GEMIN7: variants seen among roughly 807,000 people sequenced by gnomAD.
GEMIN7 encodes the protein gem nuclear organelle associated protein 7.
Under a neutral mutation model 7.8 loss-of-function variants are expected in GEMIN7, and 7 were observed. That is an observed-to-expected ratio of 0.90 (90% CI 0.51 to 1.69). The LOEUF is 1.69. GEMIN7 is among the 40% of genes most tolerant of loss of function. The pLI, the probability that GEMIN7 is intolerant of heterozygous loss-of-function variation, is 0.00. For missense variants in GEMIN7, 159 were observed against 176.2 expected (o/e 0.90, Z 0.55); for synonymous variants, 68 against 72.4 (o/e 0.94, Z 0.31).
At chr19:45,081,595 C>A (rs1967506645) in intron 2 of GEMIN7, among the ~76,000 whole-genome samples, 3 of 150,260 alleles carry the variant, frequency 2.0e-5, no homozygotes, top group East Asian at 3.9e-4. Flanking sequence ...TTATCCTGTC[C>A]ATCACCGAGG....
At chr19:45,081,208 T>G (rs1335750295) in intron 2 of GEMIN7, among the ~76,000 whole-genome samples, 3 of 152,212 alleles carry the variant, frequency 2.0e-5, no homozygotes, top group Non-Finnish European at 4.4e-5. Flanking sequence ...GGCTCATGCC[T>G]GTAATCCCAG....
At chr19:45,088,936 C>CTTTTTTTTTTTT (rs368470130) in intron 2 of GEMIN7, among the ~76,000 whole-genome samples, 1 of 143,202 alleles carries the variant, frequency 7.0e-6, no homozygotes, top group African/African-American at 2.6e-5. Flanking sequence ...CCCATCCATG[C>CTTTTTTTTTTTT]TTTTTTTTTT....
intron 2 of GEMIN7, among the ~76,000 whole-genome samples, chr19:45,086,698 C>A (rs1967699748): frequency 6.6e-6 from 1 of 152,174 alleles, no homozygotes; most frequent in African/African-American, 2.4e-5. Context: ...ATGTGCCAGG[C>A]CCTGTCTGGC....
intron 2 of GEMIN7, among the ~76,000 whole-genome samples, chr19:45,088,100 G>A (rs1343106186): frequency 6.6e-6 from 1 of 151,222 alleles, no homozygotes; most frequent in East Asian, 1.9e-4. Context: ...TGCCCGCCAC[G>A]ATGCTTGGCT....
At chr19:45,075,891 G>A, upstream of GEMIN7, 1 of 1,612,536 alleles carries the variant, frequency 6.2e-7, no homozygotes, top group Non-Finnish European at 8.5e-7. Flanking sequence ...TGGTGAGCGT[G>A]GGGTGGGGCC....
intron 2 of GEMIN7, among the ~76,000 whole-genome samples, 182 bp downstream of exon 2, chr19:45,080,211 C>CA (rs1967452462): frequency 6.6e-6 from 1 of 152,106 alleles, no homozygotes; most frequent in South Asian, 2.1e-4. Flanking sequence ...CAATGGATAA[C>CA]GCCTGCCTCT....
intron 2 of GEMIN7, among the ~76,000 whole-genome samples, chr19:45,084,497 G>A (rs1265378892): frequency 1.3e-5 from 2 of 152,156 alleles, no homozygotes; most frequent in Admixed American, 6.5e-5. Flanking sequence ...CTGGCTCACG[G>A]GTTCAAGCGA....
At chr19:45,086,527 A>G (rs1217938398) in intron 2 of GEMIN7, among the ~76,000 whole-genome samples, 1 of 152,076 alleles carries the variant, frequency 6.6e-6, no homozygotes, top group Non-Finnish European at 1.5e-5. Flanking sequence ...TGTGCCAAAC[A>G]TGGTAGGTTA....
rs746553243 is a variant in GEMIN7, at chr19:45,090,181, C to G, written c.67C>G (p.Arg23Gly). ...GCCCCGGGGCCCTGATGGCTTCAGCCGTGGCTTTGCCCCTGATGGACGCAG... is the reference window on the plus strand; with the variant it reads ...GCCCCGGGGCCCTGATGGCTTCAGCGGTGGCTTTGCCCCTGATGGACGCAG... ...RLPRGPDGFS[R>G]GFAPDGRRAP... Residue 23 changes from arginine (R) to glycine (G), a missense_variant, in exon 3 of 3, where the codon CGT becomes GGT. Physicochemically the swap from Arg to Gly is moderately radical, Grantham distance 125 (BLOSUM62 -2). Transcript: ENST00000270257. 6.2e-7 allele frequency: 1 copy of G among 1,614,042 alleles called. No individual in the cohort carries two copies. The highest frequency in any genetic ancestry group is 8.5e-7 in the Non-Finnish European group (1 of 1,180,040).
chr19:45,081,662 T>A (rs1395713396), intron 2 of GEMIN7, among the ~76,000 whole-genome samples: 1 of 152,072 alleles, frequency 6.6e-6, no homozygotes, highest in African/African-American at 2.4e-5. Flanking sequence ...AGTCTCACTC[T>A]GTCATCCATG....
Position 45,090,431 on chromosome 19 carries a change from A to G in GEMIN7, c.317A>G (p.Gln106Arg). 2.5e-6 allele frequency: 4 copies of G among 1,614,110 alleles called. No individual in the cohort carries two copies. Among genetic ancestry groups the G allele is most frequent in the Non-Finnish European group, 2.5e-6 (3 of 1,180,032 alleles). ...GATGTGGCCAACTTCTACGTGTCACAGCTGCAGACTCCCATAGGTGTGCAA... is the reference window on the plus strand; with the variant it reads ...GATGTGGCCAACTTCTACGTGTCACGGCTGCAGACTCCCATAGGTGTGCAA... ...DLDVANFYVS[Q>R]LQTPIGVQAE... is the part of the protein sequence containing the mutation. The change falls in exon 3 of 3, where the codon CAG (glutamine) becomes CGG (arginine). Residue 106 changes from glutamine (Q) to arginine (R), a missense_variant. Physicochemically the swap from Gln to Arg is conservative, Grantham distance 43. Coordinates refer to ENST00000270257, the MANE Select transcript of GEMIN7 (RefSeq NM_024707.3).
At chr19:45,077,832 T>C (rs1266696266), upstream of GEMIN7, among the ~76,000 whole-genome samples, 2 of 152,002 alleles carry the variant, frequency 1.3e-5, no homozygotes, top group African/African-American at 2.4e-5. Flanking sequence ...TCTGAGGTGG[T>C]TTCTTCTTCA....
chr19:45,086,554 C>T (rs569892397), intron 2 of GEMIN7, among the ~76,000 whole-genome samples: 2 of 152,208 alleles, frequency 1.3e-5, no homozygotes, highest in Non-Finnish European at 2.9e-5. Flanking sequence ...TAATTTAGTC[C>T]CCATGCCCGC....
At position 45,090,152 on chromosome 19, in the gene GEMIN7, G is replaced by T. The variant is rs1206374120; in HGVS notation, c.38G>T (p.Arg13Leu). Residue 13 changes from arginine to leucine, a missense_variant, in exon 3 of 3, where the codon CGG (arginine) becomes CTG (leucine). By Grantham distance (102) the Arg-to-Leu change is moderately radical. Coordinates refer to ENST00000270257, the MANE Select transcript of GEMIN7 (RefSeq NM_024707.3). Reference protein sequence around the residue: ...TPVNIPVPVLRLPRGPDGFSR... With the variant: ...TPVNIPVPVLLLPRGPDGFSR... ...GTGAACATTCCCGTGCCTGTGCTCCGGCTGCCCCGGGGCCCTGATGGCTTC... is the reference window on the plus strand; with the variant it reads ...GTGAACATTCCCGTGCCTGTGCTCCTGCTGCCCCGGGGCCCTGATGGCTTC... 1 of 1,613,626 alleles carries T rather than the reference G, an allele frequency of 6.2e-7. No individual in the cohort carries two copies. The highest frequency in any genetic ancestry group is 1.7e-5 in the Admixed American group (1 of 59,988).
upstream of GEMIN7, among the ~76,000 whole-genome samples, chr19:45,078,490 G>A (rs932998096): frequency 2.6e-5 from 4 of 152,168 alleles, no homozygotes; most frequent in Non-Finnish European, 4.4e-5. Flanking sequence ...CCACTAGAAC[G>A]TAGGTTCTAG....
At chr19:45,080,766 T>G (rs978261869) in intron 2 of GEMIN7, among the ~76,000 whole-genome samples, 1 of 110,746 alleles carries the variant, frequency 9.0e-6, no homozygotes, top group Non-Finnish European at 2.0e-5. Flanking sequence ...TTGTTTTTTG[T>G]TTTTTTTTTT....
upstream of GEMIN7, among the ~76,000 whole-genome samples, chr19:45,077,482 G>T (rs776541660): frequency 6.6e-6 from 1 of 152,024 alleles, no homozygotes; most frequent in South Asian, 2.1e-4. Flanking sequence ...TCCTGGCACC[G>T]ACTGCACGAC....
upstream of GEMIN7, chr19:45,076,395 AGCGGGCGGGCAGGCAGGCAG>A (rs1555735040): frequency 5.6e-6 from 7 of 1,250,094 alleles, no homozygotes; most frequent in Non-Finnish European, 5.0e-6. The surrounding 1 kb of genome is among the most constrained non-coding windows in gnomAD (Gnocchi z 4.9). Context: ...CGGGCGAGCG[AGCGGGCGGGCAGGCAGGCAG>A]GCGGGCGGGC....
At chr19:45,078,651 G>C (rs1967405053), upstream of GEMIN7, among the ~76,000 whole-genome samples, 1 of 152,172 alleles carries the variant, frequency 6.6e-6, no homozygotes, top group South Asian at 2.1e-4. Flanking sequence ...CTGGCACTAG[G>C]CCTTGGTGAT....
Sources: gnomAD v4.1 joint callset for allele counts (sites outside exome capture counted in the v4.1 genomes callset) on GRCh38, gnomAD v4.1.1 for gene constraint, Gnocchi (gnomAD v3.1) non-coding constraint, MANE v1.5 for transcripts, NCBI Gene and HGNC (gene_info 2026-07-23, HGNC 2026-07-21) for gene names.